Variants in LRRC4C observed in about 807,000 individuals in gnomAD.
The protein encoded by LRRC4C is leucine rich repeat containing 4C, also known as leucine-rich repeat-containing protein 4C.
A neutral mutation model predicts 33.6 loss-of-function variants in LRRC4C; 5 were observed. That is an observed-to-expected ratio of 0.15 (90% CI 0.08 to 0.31). The LOEUF (loss-of-function observed/expected upper bound fraction) is 0.31. Ranked by LOEUF, LRRC4C falls within the 10% of genes least tolerant of loss-of-function variation. The pLI is 1.00. For missense variants in LRRC4C, 560 were observed against 796.7 expected (o/e 0.70, Z 3.58); for synonymous variants, 329 against 302.0 (o/e 1.09, Z -0.93).
chr11:41,049,301 C>T (rs765366516), intron 1 of LRRC4C, among the ~76,000 whole-genome samples: 7 of 152,158 alleles, frequency 4.6e-5, no homozygotes, highest in Non-Finnish European at 7.3e-5. Context: ...CCATGTAAAA[C>T]ATGACTTTTG....
chr11:40,428,257 C>T (rs1418414897), intron 3 of LRRC4C, among the ~76,000 whole-genome samples: 1 of 152,066 alleles, frequency 6.6e-6, no homozygotes, highest in Non-Finnish European at 1.5e-5. Flanking sequence ...AGCGGCTACA[C>T]AGGACTTTTT....
intron 4 of LRRC4C, among the ~76,000 whole-genome samples, chr11:40,276,947 T>A (rs1238822157): frequency 2.0e-5 from 3 of 152,060 alleles, no homozygotes; most frequent in African/African-American, 7.2e-5. Flanking sequence ...AAGGTGGCAA[T>A]GACAGTATCC....
intron 2 of LRRC4C, among the ~76,000 whole-genome samples, chr11:40,862,963 T>C (rs1052202464): frequency 2.0e-5 from 3 of 152,224 alleles, no homozygotes; most frequent in African/African-American, 7.2e-5. Flanking sequence ...GATAGGGTTA[T>C]TCATGCTTTG....
intron 1 of LRRC4C, among the ~76,000 whole-genome samples, chr11:41,230,687 T>G (rs1394827654): frequency 2.6e-5 from 4 of 152,056 alleles, no homozygotes; most frequent in African/African-American, 4.8e-5. Context: ...ATTCAGGATA[T>G]AGGCATGGGC....
intron 3 of LRRC4C, among the ~76,000 whole-genome samples, chr11:40,454,626 T>C (rs1304577529): frequency 6.6e-6 from 1 of 152,200 alleles, no homozygotes; most frequent in Non-Finnish European, 1.5e-5. Context: ...TTTTTTCTGA[T>C]CGTTATTTTC....
At chr11:40,341,602 G>C (rs1946869733) in intron 3 of LRRC4C, among the ~76,000 whole-genome samples, 1 of 152,074 alleles carries the variant, frequency 6.6e-6, no homozygotes, top group South Asian at 2.1e-4. Flanking sequence ...ACGAGTTAAT[G>C]GGTGCAGCAC....
chr11:40,435,095 A>G (rs887292148), intron 3 of LRRC4C, among the ~76,000 whole-genome samples: 1 of 152,172 alleles, frequency 6.6e-6, no homozygotes, highest in African/African-American at 2.4e-5. Context: ...TAGGAGTAGG[A>G]TAAAAATATC....
At position 41,165,586 on chromosome 11, in the gene LRRC4C, G is replaced by C. The variant is rs1181519482; in HGVS notation, c.-495-231863C>G. Among the ~76,000 whole-genome samples, 3 of 152,046 alleles carry C rather than the reference G, an allele frequency of 2.0e-5. No individual in the cohort carries two copies. In the East Asian group the frequency reaches 5.8e-4, roughly 29 times the overall value. ...TCAATAATCTATACAATGTCAGGTA[G>C]CTTCTAAATTCCTCGCTCTACTATG... On this transcript the variant is annotated intron_variant, in intron 1 of 6. Transcript: ENST00000528697.
chr11:41,159,709 A>C (rs1590790340), intron 1 of LRRC4C, among the ~76,000 whole-genome samples: 1 of 152,138 alleles, frequency 6.6e-6, no homozygotes, highest in East Asian at 1.9e-4. Flanking sequence ...ACATATGAGA[A>C]AACTGATGTA....
At chr11:40,529,977 A>C (rs1261227373) in intron 3 of LRRC4C, among the ~76,000 whole-genome samples, 1 of 152,140 alleles carries the variant, frequency 6.6e-6, no homozygotes, top group African/African-American at 2.4e-5. Context: ...AATTTTAAAA[A>C]ATAAGGCTCA....
intron 1 of LRRC4C, among the ~76,000 whole-genome samples, chr11:41,068,546 A>G (rs1938436186): frequency 6.6e-6 from 1 of 152,186 alleles, no homozygotes; most frequent in East Asian, 1.9e-4. Context: ...ATCACCACTG[A>G]CCCCACAGAA....
chr11:40,628,200 G>A (rs978717507), intron 3 of LRRC4C, among the ~76,000 whole-genome samples: 33 of 152,148 alleles, frequency 2.2e-4, no homozygotes, highest in African/African-American at 1.4e-4. Context: ...TTCATCGGCC[G>A]GGCGCGGTGG....
At chr11:41,279,293 G>C (rs866809254) in intron 1 of LRRC4C, among the ~76,000 whole-genome samples, 3 of 151,402 alleles carry the variant, frequency 2.0e-5, no homozygotes, top group Non-Finnish European at 4.4e-5. Context: ...GTTTTGAAAG[G>C]CTTCCATGAC....
At chr11:41,403,086 A>C (rs1429864974) in intron 1 of LRRC4C, among the ~76,000 whole-genome samples, 1 of 152,074 alleles carries the variant, frequency 6.6e-6, no homozygotes, top group African/African-American at 2.4e-5. Context: ...TCTGAACAAG[A>C]GTGCTGAAAA....
At chr11:40,379,890 C>T (rs960894998) in intron 3 of LRRC4C, among the ~76,000 whole-genome samples, 1 of 152,126 alleles carries the variant, frequency 6.6e-6, no homozygotes, top group Admixed American at 6.5e-5. Flanking sequence ...CCATCCCAGA[C>T]CAATGAACTC....
intron 3 of LRRC4C, among the ~76,000 whole-genome samples, chr11:40,577,140 T>A (rs1343615373): frequency 6.6e-6 from 1 of 152,178 alleles, no homozygotes; most frequent in Non-Finnish European, 1.5e-5. Flanking sequence ...ATCCAAAGCA[T>A]GAACTTGTGA....
intron 3 of LRRC4C, among the ~76,000 whole-genome samples, chr11:40,560,544 T>C (rs1000124203): frequency 3.9e-5 from 6 of 152,270 alleles, no homozygotes; most frequent in Non-Finnish European, 7.4e-5. Context: ...TGCGTGATTA[T>C]ATTTGATGTA....
chr11:41,193,210 T>C (rs988408262), intron 1 of LRRC4C, among the ~76,000 whole-genome samples: 9 of 152,136 alleles, frequency 5.9e-5, no homozygotes, highest in African/African-American at 2.2e-4. Flanking sequence ...TGATGGTTTG[T>C]ACCTGAAGTT....
intron 3 of LRRC4C, among the ~76,000 whole-genome samples, chr11:40,591,507 T>G (rs1189949379): frequency 6.6e-6 from 1 of 152,194 alleles, no homozygotes; most frequent in Non-Finnish European, 1.5e-5. Flanking sequence ...TCCTCTGAAT[T>G]TGTTATTTCT....
Sources: allele counts gnomAD v4.1 joint callset (sites outside exome capture counted in the v4.1 genomes callset), GRCh38; gene constraint gnomAD v4.1.1; transcripts MANE v1.5; gene names NCBI Gene and HGNC (gene_info 2026-07-23, HGNC 2026-07-21).